MACROD2: variants seen among roughly 807,000 people sequenced by gnomAD.
MACROD2 encodes the protein mono-ADP ribosylhydrolase 2, also known as ADP-ribose glycohydrolase MACROD2.
MACROD2 carries 36 observed loss-of-function variants against 70.4 expected under a neutral mutation model. The observed-to-expected ratio is 0.51, with a 90% CI of 0.39 to 0.68. MACROD2 has a LOEUF of 0.68. MACROD2 is among the 30% of genes least tolerant of loss of function. The probability of loss-of-function intolerance (pLI) is 0.00; values close to 1 mark genes in which losing one functional copy is unlikely to be tolerated. For missense variants in MACROD2, 496 were observed against 538.4 expected, an observed-to-expected ratio of 0.92 and a Z score of 0.78; for synonymous variants, 172 against 178.8, an observed-to-expected ratio of 0.96 and a Z score of 0.30.
intron 7 of MACROD2, among the ~76,000 whole-genome samples, chr20:15,478,794 G>T (rs1329607961): frequency 6.6e-6 from 1 of 152,142 alleles, no homozygotes; most frequent in Non-Finnish European, 1.5e-5. Flanking sequence ...AGGAAGAATT[G>T]CTATTCCTTG....
intron 6 of MACROD2, among the ~76,000 whole-genome samples, chr20:15,408,776 G>A (rs538403773): frequency 2.1e-4 from 32 of 152,272 alleles, no homozygotes; most frequent in Admixed American, 1.8e-3. Context: ...ATATTTGTCC[G>A]AAAGTCATGT....
At chr20:14,988,686 A>G (rs1456177442) in intron 5 of MACROD2, among the ~76,000 whole-genome samples, 1 of 152,182 alleles carries the variant, frequency 6.6e-6, no homozygotes, top group African/African-American at 2.4e-5. Flanking sequence ...TGGCATTCGC[A>G]CTGACCATTC....
At chr20:15,223,094 G>T (rs1360196311) in intron 5 of MACROD2, among the ~76,000 whole-genome samples, 1 of 152,152 alleles carries the variant, frequency 6.6e-6, no homozygotes, top group African/African-American at 2.4e-5. Flanking sequence ...TCAGAACAAA[G>T]AAGCTGATTT....
chr20:14,335,306 A>G (rs972676434), intron 3 of MACROD2, among the ~76,000 whole-genome samples: 2 of 152,180 alleles, frequency 1.3e-5, no homozygotes, highest in African/African-American at 2.4e-5. Flanking sequence ...TGATTGGGCA[A>G]TATAGTCTAG....
intron 8 of MACROD2, among the ~76,000 whole-genome samples, chr20:15,848,246 T>C (rs1168546863): frequency 6.6e-6 from 1 of 152,094 alleles, no homozygotes; most frequent in Non-Finnish European, 1.5e-5. Flanking sequence ...CAATACACCA[T>C]GCATTCTGGC....
At chr20:14,932,668 T>C (rs1376043841) in intron 5 of MACROD2, among the ~76,000 whole-genome samples, 1 of 151,992 alleles carries the variant, frequency 6.6e-6, no homozygotes, top group East Asian at 1.9e-4. Flanking sequence ...CAGGTTCAAG[T>C]GATTCTCCTG....
chr20:15,747,139 T>G (rs2051195707), intron 8 of MACROD2, among the ~76,000 whole-genome samples: 1 of 152,092 alleles, frequency 6.6e-6, no homozygotes. Flanking sequence ...ATCCTCAAAG[T>G]TCCTCCCTCT....
intron 13 of MACROD2, among the ~76,000 whole-genome samples, chr20:15,980,943 G>A (rs947083004): frequency 1.3e-5 from 2 of 152,182 alleles, no homozygotes; most frequent in African/African-American, 4.8e-5. Context: ...GTATTCCTAT[G>A]AGCCATCTTG....
In MACROD2 at chr20:15,018,604, T is replaced by C. The variant is rs142575630; in HGVS notation, c.419-211336T>C. On this transcript the variant is annotated intron_variant, in intron 5 of 17. Transcript: ENST00000684519. ...GGACAGAATTAATAGGATATATATA[T>C]AGAGAGACAGAGAGAGAGAGAGAGC... is the stretch of plus-strand genomic sequence containing the variant. 5.4e-5 allele frequency among the ~76,000 whole-genome samples: 8 copies of C among 148,326 alleles called. No homozygotes were observed. In the South Asian group the frequency reaches 1.1e-3, roughly 20 times the overall value.
intron 3 of MACROD2, among the ~76,000 whole-genome samples, chr20:14,108,139 T>C (rs2054396737): frequency 6.6e-6 from 1 of 152,076 alleles, no homozygotes; most frequent in South Asian, 2.1e-4. Context: ...AGGTACATGG[T>C]AGTTATTAGT....
intron 3 of MACROD2, among the ~76,000 whole-genome samples, chr20:14,116,970 G>A (rs867278237): frequency 1.3e-5 from 2 of 151,498 alleles, no homozygotes; most frequent in African/African-American, 2.4e-5. Flanking sequence ...GGGAGGCTGA[G>A]GCAGGAGAAT....
Position 15,937,523 on chromosome 20 carries a change from G to A in MACROD2, c.886G>A (p.Val296Ile). 3.1e-6 allele frequency: 5 copies of A among 1,613,368 alleles called. No homozygotes were observed. Among genetic ancestry groups the A allele is most frequent in the Non-Finnish European group, 4.2e-6 (5 of 1,179,470 alleles). The part of the protein sequence containing the change: ...TVPGPASEEA[V>I]EDCKDEDFAK... ...GCCCGGCCCTGCTTCAGAAGAGGCA[G>A]TTGAAGACTGTAAAGATGAAGGTAT... Residue 296 changes from valine to isoleucine, a missense_variant, in exon 12 of 18, where the codon GTT becomes ATT. Val to Ile is a conservative substitution (Grantham distance 29, BLOSUM62 3). Transcript: ENST00000684519.
At chr20:15,201,975 C>T (rs188815986) in intron 5 of MACROD2, among the ~76,000 whole-genome samples, 296 of 152,152 alleles carry the variant, frequency 1.9e-3, no homozygotes, top group South Asian at 0.019. Flanking sequence ...ACAGGACCCA[C>T]GGAAGGGGCA....
intron 3 of MACROD2, among the ~76,000 whole-genome samples, chr20:14,156,870 G>A (rs1377911674): frequency 6.6e-6 from 1 of 152,166 alleles, no homozygotes; most frequent in Non-Finnish European, 1.5e-5. Flanking sequence ...TAATTTCACT[G>A]TAAGGGTCAT....
rs371793879 is a variant in MACROD2 at position 15,458,627 on chromosome 20, G to T, written c.571+27192G>T. The stretch of plus-strand genomic sequence containing the variant: ...CAATGAACTGTTTTTTTGTTTTTTT[G>T]TTTTTTTTTTTTAAAAAAAAAAAAG... On this transcript the variant is annotated intron_variant, in intron 7 of 17. Coordinates refer to ENST00000684519, the MANE Select transcript of MACROD2 (RefSeq NM_001351661.2). 3.3e-3 allele frequency among the ~76,000 whole-genome samples: 362 copies of T among 108,822 alleles called. 1 individual carries two copies. The highest frequency in any genetic ancestry group is 0.011 in the Middle Eastern group (2 of 186). The allele number at this position is 108,822 out of a possible 152,430, so 71.4% of individuals were successfully genotyped here. A position where few individuals can be genotyped will look rare whatever the true frequency, so the allele number is the denominator to read the frequency against.
rs773988790 is a variant in MACROD2, at chr20:14,327,548, A to G, written c.272-165931A>G. The G allele has an allele frequency of 2.6e-6, 4 of 1,548,684 alleles. No homozygotes were observed. In the Admixed American group the frequency reaches 8.2e-5, roughly 32 times the overall value. Reference sequence around the variant, plus strand: ...GTCTTTATACAAGGTAGCTTCCGTTACTTCAGAACCCTAAAATGAAGTGAG... The same window carrying G: ...GTCTTTATACAAGGTAGCTTCCGTTGCTTCAGAACCCTAAAATGAAGTGAG... On this transcript the variant is annotated intron_variant, in intron 3 of 17. Coordinates refer to ENST00000684519, the MANE Select transcript of MACROD2 (RefSeq NM_001351661.2).
At position 14,869,912 on chromosome 20, in the gene MACROD2, C is replaced by T. The variant is rs191988216; in HGVS notation, c.418+184953C>T. Reference sequence around the variant, plus strand: ...GGAAGACGGCAGTAACTGCACCATACAACCATTCAGGAACCAGGGCTCATG... The same window carrying T: ...GGAAGACGGCAGTAACTGCACCATATAACCATTCAGGAACCAGGGCTCATG... On this transcript the variant is annotated intron_variant, in intron 5 of 17. Transcript: ENST00000684519. 2.1e-3 allele frequency among the ~76,000 whole-genome samples: 315 copies of T among 152,266 alleles called. 1 individual carries two copies. The highest frequency in any genetic ancestry group is 3.5e-3 in the Non-Finnish European group (237 of 68,002).
chr20:15,977,398 G>A lies in MACROD2; in HGVS notation c.986-9329G>A, dbSNP rs549092073. On this transcript the variant is annotated intron_variant, in intron 13 of 17. Transcript: ENST00000684519. ...CTTTTCAATAGATGATGAAATTAAAGGTCAAAGAGGTTGTGATTTGCCTAA... is the reference window on the plus strand; with the variant it reads ...CTTTTCAATAGATGATGAAATTAAAAGTCAAAGAGGTTGTGATTTGCCTAA... Among the ~76,000 whole-genome samples the A allele has an allele frequency of 2.5e-4, 38 of 152,284 alleles. 1 individual carries two copies. The South Asian group carries it at 7.7e-3, about 31-fold the overall frequency.
At chr20:15,475,111 A>G (rs2047005772) in intron 7 of MACROD2, among the ~76,000 whole-genome samples, 1 of 152,232 alleles carries the variant, frequency 6.6e-6, no homozygotes, top group African/African-American at 2.4e-5. Context: ...TTTATTAGGT[A>G]TTATAAGTAA....
Sources: gnomAD v4.1 joint callset for allele counts (sites outside exome capture counted in the v4.1 genomes callset) on GRCh38, gnomAD v4.1.1 for gene constraint, MANE v1.5 for transcripts, NCBI Gene and HGNC (gene_info 2026-07-23, HGNC 2026-07-21) for gene names.